Variants in COL19A1 observed in about 807,000 individuals in gnomAD.
The protein encoded by COL19A1 is collagen type XIX alpha 1 chain.
A neutral mutation model predicts 190.2 loss-of-function variants in COL19A1; 159 were observed. The observed-to-expected ratio is 0.84, with a 90% CI of 0.73 to 0.95. The LOEUF (loss-of-function observed/expected upper bound fraction) is 0.95. COL19A1 is among the 40% of genes least tolerant of loss of function. The probability of loss-of-function intolerance (pLI) is 0.00; values close to 1 mark genes in which losing one functional copy is unlikely to be tolerated. For missense variants in COL19A1, 1,418 were observed against 1,431.9 expected, an observed-to-expected ratio of 0.99 and a Z score of 0.16; for synonymous variants, 509 against 458.9, an observed-to-expected ratio of 1.11 and a Z score of -1.39.
intron 15 of COL19A1, among the ~76,000 whole-genome samples, chr6:70,082,375 A>T (rs1269735079): frequency 6.6e-6 from 1 of 152,152 alleles, no homozygotes; most frequent in Non-Finnish European, 1.5e-5. Context: ...TTTCTATCTT[A>T]ATGTCATTAA....
At chr6:70,039,138 G>C (rs925967135) in intron 14 of COL19A1, among the ~76,000 whole-genome samples, 2 of 151,990 alleles carry the variant, frequency 1.3e-5, no homozygotes, top group Admixed American at 1.3e-4. Context: ...CTAATTCCCA[G>C]ACTGTACCAC....
intron 15 of COL19A1, among the ~76,000 whole-genome samples, chr6:70,072,634 C>A (rs1781625740): frequency 6.6e-6 from 1 of 152,176 alleles, no homozygotes; most frequent in Non-Finnish European, 1.5e-5. Context: ...TGCCTCCTTG[C>A]AACATTTTTG....
chr6:69,922,878 A>G (rs1772084096), intron 4 of COL19A1, among the ~76,000 whole-genome samples: 2 of 152,136 alleles, frequency 1.3e-5, no homozygotes, highest in African/African-American at 4.8e-5. Flanking sequence ...TTCAACAGAT[A>G]AAGTGCCCTG....
At chr6:69,901,170 A>T (rs1363267297) in intron 4 of COL19A1, among the ~76,000 whole-genome samples, 1 of 152,214 alleles carries the variant, frequency 6.6e-6, no homozygotes, top group Non-Finnish European at 1.5e-5. Context: ...TATGCAACAC[A>T]AATGTTTTTG....
intron 9 of COL19A1, among the ~76,000 whole-genome samples, chr6:69,947,881 A>G (rs1773913928): frequency 6.6e-6 from 1 of 151,924 alleles, no homozygotes; most frequent in Admixed American, 6.6e-5. Context: ...GTAAAGTCCA[A>G]CAAACTCTAT....
At chr6:70,054,950 T>C (rs1028450020) in intron 14 of COL19A1, among the ~76,000 whole-genome samples, 3 of 152,150 alleles carry the variant, frequency 2.0e-5, no homozygotes, top group Non-Finnish European at 4.4e-5. Flanking sequence ...AACTCCTATA[T>C]AGGGGAAAAA....
chr6:70,062,796 C>A (rs926674474), intron 14 of COL19A1, among the ~76,000 whole-genome samples: 3 of 151,856 alleles, frequency 2.0e-5, no homozygotes, highest in Admixed American at 6.6e-5. Flanking sequence ...ATCTACCAAG[C>A]AAATGGAAAA....
chr6:70,175,040 C>T (rs1765721093), intron 41 of COL19A1, among the ~76,000 whole-genome samples: 1 of 152,162 alleles, frequency 6.6e-6, no homozygotes, highest in Non-Finnish European at 1.5e-5. Flanking sequence ...GCAAATATTT[C>T]ATTGAATGAA....
chr6:70,187,370 A>G (rs1766595230), intron 46 of COL19A1, among the ~76,000 whole-genome samples: 1 of 152,166 alleles, frequency 6.6e-6, no homozygotes, highest in African/African-American at 2.4e-5. Context: ...CAAATACAGA[A>G]AACAAACCTG....
intron 15 of COL19A1, among the ~76,000 whole-genome samples, chr6:70,074,882 T>C (rs1364696985): frequency 3.3e-5 from 5 of 152,208 alleles, no homozygotes; most frequent in Admixed American, 1.3e-4. Flanking sequence ...ACCAGGAATT[T>C]GTATTACTAG....
chr6:70,164,245 A>G (rs1465582907), intron 36 of COL19A1, among the ~76,000 whole-genome samples: 8 of 152,176 alleles, frequency 5.3e-5, no homozygotes, highest in Non-Finnish European at 1.0e-4. Context: ...CAGACAGGAC[A>G]CCACACAGTT....
chr6:70,087,008 A>G (rs1330998623), intron 15 of COL19A1, among the ~76,000 whole-genome samples: 1 of 152,136 alleles, frequency 6.6e-6, no homozygotes, highest in Non-Finnish European at 1.5e-5. Flanking sequence ...TTTTTTAAAT[A>G]AAGTTTTATT....
At chr6:69,897,063 C>A (rs1399846875) in intron 2 of COL19A1, among the ~76,000 whole-genome samples, 1 of 152,144 alleles carries the variant, frequency 6.6e-6, no homozygotes, top group East Asian at 1.9e-4. Flanking sequence ...TTTGCTATCC[C>A]AAGTTCATGA....
intron 12 of COL19A1, among the ~76,000 whole-genome samples, chr6:70,033,282 C>T (rs1398543351): frequency 1.3e-5 from 2 of 152,038 alleles, no homozygotes; most frequent in African/African-American, 4.8e-5. Flanking sequence ...TGGCATTTGG[C>T]ATTATTTATT....
At chr6:70,046,131 T>A (rs1779901511) in intron 14 of COL19A1, among the ~76,000 whole-genome samples, 1 of 152,208 alleles carries the variant, frequency 6.6e-6, no homozygotes, top group Non-Finnish European at 1.5e-5. Context: ...TGAGTTAGCC[T>A]TCACATTTCT....
intron 2 of COL19A1, among the ~76,000 whole-genome samples, chr6:69,881,315 C>T (rs1768536691): frequency 1.3e-5 from 2 of 152,154 alleles, no homozygotes. Context: ...CCATTTTATG[C>T]CAAGGTTACC....
rs141281533 is a variant in COL19A1, at chr6:69,880,637, A to G, written c.91+979A>G. On this transcript the variant is annotated intron_variant, in intron 2 of 50. Coordinates refer to ENST00000620364, the MANE Select transcript of COL19A1 (RefSeq NM_001858.6). ...CTTTCAGAGTGTTATGTAAGTCTTTATGATTTTTTATTATTTGGCAGAAGG... is the reference window on the plus strand; with the variant it reads ...CTTTCAGAGTGTTATGTAAGTCTTTGTGATTTTTTATTATTTGGCAGAAGG... Among the ~76,000 whole-genome samples, 103 of 152,296 alleles carry G rather than the reference A, an allele frequency of 6.8e-4. 1 individual carries two copies. The highest frequency in any genetic ancestry group is 2.4e-3 in the African/African-American group (100 of 41,570).
intron 2 of COL19A1, among the ~76,000 whole-genome samples, chr6:69,881,494 C>G (rs1768553024): frequency 6.6e-6 from 1 of 152,202 alleles, no homozygotes; most frequent in East Asian, 1.9e-4. Flanking sequence ...AATCATCTTG[C>G]ATAACTAACA....
rs185320858 is a variant in COL19A1, at chr6:70,115,295, G to C, written c.1279-6585G>C. Among the ~76,000 whole-genome samples the C allele has an allele frequency of 2.8e-3, 426 of 152,224 alleles. 3 individuals are homozygous for C. Among genetic ancestry groups the C allele is most frequent in the Non-Finnish European group, 4.7e-3 (317 of 68,012 alleles). ...TTGGACTTGGTTCTACCATTCATGT[G>C]GTTTGGGGAAAAATCTCTTGGTTTT... On this transcript the variant is annotated intron_variant, in intron 16 of 50. Coordinates refer to ENST00000620364, the MANE Select transcript of COL19A1 (RefSeq NM_001858.6).
Sources: allele counts gnomAD v4.1 joint callset (sites outside exome capture counted in the v4.1 genomes callset), GRCh38; gene constraint gnomAD v4.1.1; transcripts MANE v1.5; gene names NCBI Gene and HGNC (gene_info 2026-07-23, HGNC 2026-07-21).